MMP2: variants seen among roughly 807,000 people sequenced by gnomAD.
MMP2 encodes the protein matrix metallopeptidase 2.
Under a neutral mutation model 74.8 loss-of-function variants are expected in MMP2, and 39 were observed. The observed-to-expected ratio is 0.52, with a 90% CI of 0.40 to 0.68. MMP2 has a LOEUF of 0.68. MMP2 is among the 30% of genes least tolerant of loss of function. MMP2 has a pLI of 0.00. For synonymous variants in MMP2, 367 were observed against 339.8 expected (o/e 1.08, Z -0.88); for missense variants, 803 against 878.3 (o/e 0.91, Z 1.08).
In MMP2 at chr16:55,498,281, C is replaced by T. The variant is rs376746116; in HGVS notation, c.1610-8C>T. Reference sequence around the variant, plus strand: ...CACCAGCCAACACACCCTTTGCTTCCACCCCAGGGAATGAATACTGGATCT... The same window carrying T: ...CACCAGCCAACACACCCTTTGCTTCTACCCCAGGGAATGAATACTGGATCT... On this transcript the variant is annotated splice_region_variant and splice_polypyrimidine_tract_variant and intron_variant, in intron 10 of 12. Coordinates refer to ENST00000219070, the MANE Select transcript of MMP2 (RefSeq NM_004530.6). The T allele has an allele frequency of 1.2e-6, 2 of 1,613,954 alleles. No individual in the cohort carries two copies. Among genetic ancestry groups the T allele is most frequent in the East Asian group, 2.2e-5 (1 of 44,880 alleles).
At position 55,498,360 on chromosome 16, in the gene MMP2, C is replaced by T. The variant is rs1368735289; in HGVS notation, c.1681C>T (p.Leu561=). 8 of 1,614,146 alleles carry T rather than the reference C, an allele frequency of 5.0e-6. No homozygotes were observed. The highest frequency in any genetic ancestry group is 6.8e-6 in the Non-Finnish European group (8 of 1,180,062). The change falls in exon 11 of 13, where the codon CTG becomes TTG. Residue 561 remains leucine (L), a synonymous_variant. Coordinates refer to ENST00000219070, the MANE Select transcript of MMP2 (RefSeq NM_004530.6). ...CCCCAAGCCACTGACCAGCCTGGGA[C>T]TGCCCCCTGATGTCCAGCGAGTGGA... ...GYPKPLTSLG[L]PPDVQRVDAA...
In MMP2 at chr16:55,484,109, G is replaced by A. The variant is rs144932826; in HGVS notation, c.474G>A (p.Arg158=). The A allele has an allele frequency of 3.2e-5, 52 of 1,614,188 alleles. No homozygotes were observed. Among genetic ancestry groups the A allele is most frequent in the African/African-American group, 6.7e-5 (5 of 75,046 alleles). Residue 158 remains arginine (R), a synonymous_variant, in exon 3 of 13, where the codon CGG becomes CGA. Coordinates refer to ENST00000219070, the MANE Select transcript of MMP2 (RefSeq NM_004530.6). ...FQVWSDVTPL[R]FSRIHDGEAD... is the part of the protein sequence containing the mutation. ...TCTGGAGCGATGTGACCCCACTGCG[G>A]TTTTCTCGAATCCATGATGGAGAGG...
chr16:55,481,752 T>C (rs1056744426), intron 1 of MMP2: 1 of 700,066 alleles, frequency 1.4e-6, no homozygotes, highest in Non-Finnish European at 2.7e-6. Context: ...AAAGAGTGCA[T>C]GAACCAACCA....
At chr16:55,500,494 T>TACACACACACAC (rs55996787) in intron 11 of MMP2, among the ~76,000 whole-genome samples, 10,239 of 136,108 alleles carry the variant, frequency 0.075, 630 homozygotes, top group East Asian at 0.091. Flanking sequence ...CATGTGCGCA[T>TACACACACACAC]ACACACACAC....
Position 55,479,382 on chromosome 16 carries a change from G to T in MMP2, c.-98G>T. The T allele has an allele frequency of 7.5e-7, 1 of 1,327,276 alleles. No homozygotes were observed. The highest frequency in any genetic ancestry group is 9.7e-7 in the Non-Finnish European group (1 of 1,035,878). The allele number at this position is 1,327,276 out of a possible 1,614,324, so 82.2% of individuals were successfully genotyped here. A position where few individuals can be genotyped will look rare whatever the true frequency, so the allele number is the denominator to read the frequency against. Reference sequence around the variant, plus strand: ...CGAGCCAGCGGACCCTCGGAGCGCAGCCCTGCGCCGCGGAGCAGGCTCCAA... The same window carrying T: ...CGAGCCAGCGGACCCTCGGAGCGCATCCCTGCGCCGCGGAGCAGGCTCCAA... On this transcript the variant is annotated 5_prime_UTR_variant, in exon 1 of 13. Transcript: ENST00000219070.
At chr16:55,482,787 C>T (rs1962137029) in intron 1 of MMP2, 122 bp from the exon 2 acceptor site, 1 of 854,606 alleles carries the variant, frequency 1.2e-6, no homozygotes, top group Non-Finnish European at 1.9e-6. Context: ...TCTGGGACCC[C>T]TGGCTTATTT....
At chr16:55,491,172 C>A (rs920381837) in intron 7 of MMP2, among the ~76,000 whole-genome samples, 4 of 151,660 alleles carry the variant, frequency 2.6e-5, no homozygotes, top group Non-Finnish European at 5.9e-5. Flanking sequence ...TCAAGTGATT[C>A]TCCTGCCTAT....
intron 3 of MMP2, among the ~76,000 whole-genome samples, chr16:55,484,521 T>G (rs1366616648): frequency 1.3e-5 from 2 of 152,236 alleles, no homozygotes; most frequent in African/African-American, 4.8e-5. Flanking sequence ...TGGGCACATT[T>G]TAAGTGCTCA....
At position 55,485,283 on chromosome 16, in the gene MMP2, C is replaced by T. The variant is rs773941696; in HGVS notation, c.530-16C>T. ...AGGTGGCACAGCTAGACGCTAAGAC[C>T]CAGTGTGTGTTTCAGAGCATGGCGA... is the stretch of plus-strand genomic sequence containing the variant. On this transcript the variant is annotated splice_polypyrimidine_tract_variant and intron_variant, in intron 3 of 12. Coordinates refer to ENST00000219070, the MANE Select transcript of MMP2 (RefSeq NM_004530.6). 1.9e-6 allele frequency: 3 copies of T among 1,613,868 alleles called. No individual in the cohort carries two copies. Among genetic ancestry groups the T allele is most frequent in the African/African-American group, 1.3e-5 (1 of 74,864 alleles).
Position 55,485,344 on chromosome 16 carries a change from C to T in MMP2, c.575C>T (p.Ala192Val). ...YPFDGKDGLLAHAFAPGTGVG... is the reference protein window; with the variant it reads ...YPFDGKDGLLVHAFAPGTGVG... ...TTTGACGGTAAGGACGGACTCCTGG[C>T]TCATGCCTTCGCCCCAGGCACTGGT... The change falls in exon 4 of 13, where the codon GCT (alanine) becomes GTT (valine). Residue 192 changes from alanine (A) to valine (V), a missense_variant. By Grantham distance (64) the Ala-to-Val change is moderately conservative. Coordinates refer to ENST00000219070, the MANE Select transcript of MMP2 (RefSeq NM_004530.6). 6.2e-7 allele frequency: 1 copy of T among 1,614,126 alleles called. No homozygotes were observed. The highest frequency in any genetic ancestry group is 8.5e-7 in the Non-Finnish European group (1 of 1,180,018).
chr16:55,494,036 A>G (rs1018998014), intron 9 of MMP2, among the ~76,000 whole-genome samples: 5 of 152,172 alleles, frequency 3.3e-5, no homozygotes, highest in Non-Finnish European at 7.3e-5. Flanking sequence ...TCTATCATCC[A>G]TCCATCTACC....
chr16:55,498,246 G>A, intron 10 of MMP2, 43 bp from the exon 11 acceptor site: 2 of 1,611,470 alleles, frequency 1.2e-6, no homozygotes, highest in Non-Finnish European at 8.5e-7. Context: ...GCTGGCCTAG[G>A]GCATGTCAGC....
chr16:55,491,700 G>A (rs950657977), intron 7 of MMP2, 101 bp from the exon 8 acceptor site: 4 of 1,344,436 alleles, frequency 3.0e-6, no homozygotes, highest in Non-Finnish European at 4.3e-6. Flanking sequence ...CAGCCTTACT[G>A]TGGGGCTGTC....
chr16:55,488,873 G>C (rs1470474135), intron 6 of MMP2, 157 bp downstream of exon 6: 1 of 789,340 alleles, frequency 1.3e-6, no homozygotes, highest in Non-Finnish European at 2.1e-6. Context: ...CGTGTAGCTA[G>C]TCAGGATACT....
rs11076101 is a variant in MMP2, at chr16:55,484,346, C to T, written c.529+182C>T. Among the ~76,000 whole-genome samples the T allele has an allele frequency of 0.086, 13,098 of 151,952 alleles. 592 individuals carry two copies. Among genetic ancestry groups the T allele is most frequent in the East Asian group, 0.15 (761 of 5,154 alleles). ...ACACGGAGTGGACACTGGAGAGCCA[C>T]GTTGACATGGGGGCAGATGGTGTGT... is the stretch of plus-strand genomic sequence containing the variant. On this transcript the variant is annotated intron_variant, in intron 3 of 12. Transcript: ENST00000219070.
chr16:55,485,578 C>A, intron 4 of MMP2, 26 bp from the exon 5 acceptor site: 1 of 1,614,036 alleles, frequency 6.2e-7, no homozygotes, highest in Middle Eastern at 1.7e-4. Context: ...AGAAGTCCAA[C>A]CTCCCCCTTC....
Position 55,498,324 on chromosome 16 carries a change from G to A in MMP2, c.1645G>A (p.Glu549Lys), listed in dbSNP as rs755274290. Residue 549 changes from glutamate to lysine, a missense_variant, in exon 11 of 13, where the codon GAG becomes AAG. By Grantham distance (56) the Glu-to-Lys change is moderately conservative. Around this residue, in one of 3 missense-constraint regions of MMP2, gnomAD observed 555 missense variants for 592.0 expected, o/e 0.94. Transcript: ENST00000219070. ...EYWIYSASTL[E>K]RGYPKPLTSL... is the part of the protein sequence containing the mutation. ...CTGGATCTACTCAGCCAGCACCCTG[G>A]AGCGAGGGTACCCCAAGCCACTGAC... 4.1e-5 allele frequency: 66 copies of A among 1,614,116 alleles called. No homozygotes were observed. The highest frequency in any genetic ancestry group is 5.3e-5 in the Non-Finnish European group (62 of 1,180,052).
At chr16:55,479,726 A>G (rs1423707551) in intron 1 of MMP2, 94 bp downstream of exon 1, 10 of 1,541,830 alleles carry the variant, frequency 6.5e-6, no homozygotes, top group Non-Finnish European at 8.9e-6. Flanking sequence ...GGCGGTGGGC[A>G]CACAGCGTGG....
Position 55,493,235 on chromosome 16 carries a change from G to A in MMP2, c.1414G>A (p.Asp472Asn), listed in dbSNP as rs766941979. ...TGTCACTCCTGAGATCTGCAAACAGGACATTGTATTTGATGGCATCGCTCA... is the reference window on the plus strand; with the variant it reads ...TGTCACTCCTGAGATCTGCAAACAGAACATTGTATTTGATGGCATCGCTCA... The part of the protein sequence containing the change: ...GPVTPEICKQ[D>N]IVFDGIAQIR... The change falls in exon 9 of 13, where the codon GAC becomes AAC. Residue 472 changes from aspartate (D) to asparagine (N), a missense_variant. By Grantham distance (23) the Asp-to-Asn change is conservative. Around this residue, in one of 3 missense-constraint regions of MMP2, gnomAD observed 555 missense variants for 592.0 expected, o/e 0.94. Coordinates refer to ENST00000219070, the MANE Select transcript of MMP2 (RefSeq NM_004530.6). 1.2e-6 allele frequency: 2 copies of A among 1,614,200 alleles called. No homozygotes were observed. Among genetic ancestry groups the A allele is most frequent in the South Asian group, 1.1e-5 (1 of 91,086 alleles).
Sources: allele counts gnomAD v4.1 joint callset (sites outside exome capture counted in the v4.1 genomes callset), GRCh38; gene constraint gnomAD v4.1.1; regional missense constraint gnomAD v4.1.1; transcripts MANE v1.5; gene names NCBI Gene and HGNC (gene_info 2026-07-23, HGNC 2026-07-21).